Variants in MAPT observed in about 807,000 individuals in gnomAD.
MAPT encodes the protein microtubule-associated protein tau.
MAPT carries 34 observed loss-of-function variants against 67.9 expected under a neutral mutation model. The observed-to-expected ratio is 0.50, with a 90% CI of 0.38 to 0.67. MAPT has a LOEUF of 0.67. Among genes scored for constraint, MAPT ranks in the 30% least tolerant of loss-of-function variants. The probability of loss-of-function intolerance (pLI) is 0.00; values close to 1 mark genes in which losing one functional copy is unlikely to be tolerated. For synonymous variants in MAPT, 456 were observed against 464.5 expected (o/e 0.98, Z 0.23); for missense variants, 881 against 1,115.2 (o/e 0.79, Z 2.99).
In MAPT at chr17:45,915,914, T is replaced by C. The variant is rs943157772; in HGVS notation, c.-18+21228T>C. Among the ~76,000 whole-genome samples the C allele has an allele frequency of 6.6e-6, 1 of 152,184 alleles. No homozygotes were observed. The highest frequency in any genetic ancestry group is 2.4e-5 in the African/African-American group (1 of 41,432). On this transcript the variant is annotated intron_variant, in intron 1 of 12. Coordinates refer to ENST00000262410, the MANE Select transcript of MAPT (RefSeq NM_001377265.1). This position sits in a 1 kb window ranked among gnomAD's most constrained non-coding sequence, Gnocchi z 4.4. Reference sequence around the variant, plus strand: ...ACAACCAGAACACTCTCTTTTCTCTTAGTGCTTTCACCCAGATGACCACAT... The same window carrying C: ...ACAACCAGAACACTCTCTTTTCTCTCAGTGCTTTCACCCAGATGACCACAT...
At chr17:45,969,355 C>G (rs954987745) in intron 2 of MAPT, 2 of 152,718 alleles carry the variant, frequency 1.3e-5, no homozygotes, top group African/African-American at 4.8e-5. Flanking sequence ...ACCATCACAT[C>G]CATCCATCTA....
intron 1 of MAPT, among the ~76,000 whole-genome samples, chr17:45,961,445 C>T (rs980725430): frequency 4.6e-5 from 7 of 152,098 alleles, no homozygotes; most frequent in Admixed American, 1.3e-4. Flanking sequence ...TGGTGGGTGC[C>T]GGTGTGGTGA....
At chr17:45,934,460 T>G (rs1236701192) in intron 1 of MAPT, among the ~76,000 whole-genome samples, 3 of 152,178 alleles carry the variant, frequency 2.0e-5, no homozygotes, top group Non-Finnish European at 4.4e-5. Context: ...TTGTTTATCA[T>G]GTGGGTTTTA....
intron 1 of MAPT, among the ~76,000 whole-genome samples, chr17:45,934,171 T>G (rs1475421057): frequency 1.3e-5 from 2 of 152,066 alleles, no homozygotes; most frequent in Non-Finnish European, 2.9e-5. Flanking sequence ...AGACCTCGTC[T>G]GTACAGTAAA....
intron 1 of MAPT, among the ~76,000 whole-genome samples, chr17:45,961,778 T>G (rs1413796984): frequency 2.6e-5 from 4 of 151,224 alleles, no homozygotes; most frequent in East Asian, 1.9e-4. Context: ...TTGTTTTGTT[T>G]TTTTTTTTTT....
chr17:45,909,915 C>T (rs1045384524), intron 1 of MAPT, among the ~76,000 whole-genome samples: 4 of 144,714 alleles, frequency 2.8e-5, no homozygotes, highest in African/African-American at 5.1e-5. Context: ...TGGAGCACTA[C>T]GTGTAATCTC....
At chr17:45,961,834 G>A (rs570575638) in intron 1 of MAPT, among the ~76,000 whole-genome samples, 96 of 151,180 alleles carry the variant, frequency 6.4e-4, no homozygotes, top group African/African-American at 2.3e-3. Context: ...GGAGTGCAGT[G>A]GTGTAATCTC....
chr17:45,913,071 C>T (rs567417615), intron 1 of MAPT, among the ~76,000 whole-genome samples: 1 of 152,326 alleles, frequency 6.6e-6, no homozygotes, highest in South Asian at 2.1e-4. Context: ...GGCTAAGTTT[C>T]TGTATTAGTC....
chr17:45,903,154 T>C (rs1453803728), intron 1 of MAPT, among the ~76,000 whole-genome samples: 1 of 152,172 alleles, frequency 6.6e-6, no homozygotes, highest in Non-Finnish European at 1.5e-5. Context: ...AACGAAGTGC[T>C]GGGAAGGACA....
chr17:45,956,565 TATATATATATATATATATATATATATATA>T (rs1218363663), intron 1 of MAPT, among the ~76,000 whole-genome samples: 2,171 of 19,298 alleles, frequency 0.11, 94 homozygotes, highest in Admixed American at 0.26. Context: ...TATATATATA[TATATATATATATATATATATATATATATA>T]TATATATTTT....
intron 1 of MAPT, among the ~76,000 whole-genome samples, chr17:45,941,708 T>TTCCCTCCTTCCTTCCC (rs1568208194): frequency 4.8e-5 from 5 of 103,896 alleles, no homozygotes; most frequent in Non-Finnish European, 9.3e-5. Context: ...CCTGCCTGCC[T>TTCCCTCCTTCCTTCCC]TCCTTCCTTC....
Position 45,903,783 on chromosome 17 carries a change from AAATAT to A in MAPT, c.-18+9104_-18+9108del, listed in dbSNP as rs1213418814. ...TTTTTTATATATATAATATATATTA[AAATAT>A]AATATATATATTTATATAATATAAT... On this transcript the variant is annotated intron_variant, in intron 1 of 12. Coordinates refer to ENST00000262410, the MANE Select transcript of MAPT (RefSeq NM_001377265.1). Among the ~76,000 whole-genome samples, 69 of 81,380 alleles carry A rather than the reference AAATAT, an allele frequency of 8.5e-4. 8 individuals are homozygous for A. Among genetic ancestry groups the A allele is most frequent in the Admixed American group, 5.4e-3 (24 of 4,472 alleles). The allele number at this position is 81,380 out of a possible 152,430, so 53.4% of individuals were successfully genotyped here.
chr17:45,955,709 C>T (rs1354506580), intron 1 of MAPT, among the ~76,000 whole-genome samples: 1 of 152,046 alleles, frequency 6.6e-6, no homozygotes, highest in Non-Finnish European at 1.5e-5. Flanking sequence ...GAACGGCTCA[C>T]ACGGCACAAA....
At chr17:46,004,226 T>C (rs1598357321) in intron 9 of MAPT, among the ~76,000 whole-genome samples, 1 of 152,154 alleles carries the variant, frequency 6.6e-6, no homozygotes. Flanking sequence ...GGCTGCAGGC[T>C]TGGGGCCAGG....
intron 1 of MAPT, among the ~76,000 whole-genome samples, chr17:45,901,262 C>T (rs1402835334): frequency 2.0e-5 from 3 of 152,210 alleles, no homozygotes; most frequent in Non-Finnish European, 4.4e-5. Context: ...CCCAAACTGA[C>T]CTGCCTTCCC....
At chr17:45,941,122 T>C (rs62061734) in intron 1 of MAPT, among the ~76,000 whole-genome samples, 22,794 of 152,198 alleles carry the variant, frequency 0.15, 2,187 homozygotes, top group Non-Finnish European at 0.22. Flanking sequence ...CCAAACCAGC[T>C]TCTGCAGGCC....
intron 1 of MAPT, among the ~76,000 whole-genome samples, chr17:45,900,415 G>C (rs2063539498): frequency 6.6e-6 from 1 of 152,162 alleles, no homozygotes; most frequent in African/African-American, 2.4e-5. Context: ...TCTCCAGTTA[G>C]GAAACTTTCT....
chr17:46,001,999 G>A (rs1204179536), intron 9 of MAPT, among the ~76,000 whole-genome samples: 1 of 152,248 alleles, frequency 6.6e-6, no homozygotes, highest in Non-Finnish European at 1.5e-5. Flanking sequence ...AGGAGCTGAA[G>A]GAGGATAGTG....
intron 1 of MAPT, among the ~76,000 whole-genome samples, chr17:45,904,270 ATTTT>A (rs1211045702): frequency 6.4e-5 from 3 of 47,122 alleles, no homozygotes; most frequent in Non-Finnish European, 1.3e-4. Flanking sequence ...TATTATATAT[ATTTT>A]TATATATATA....
Sources: allele counts gnomAD v4.1 joint callset (sites outside exome capture counted in the v4.1 genomes callset), GRCh38; gene constraint gnomAD v4.1.1; non-coding constraint Gnocchi (gnomAD v3.1); transcripts MANE v1.5; gene names NCBI Gene and HGNC (gene_info 2026-07-23, HGNC 2026-07-21).